The following PTGFRN variants were observed in gnomAD, a reference collection of about 807,000 sequenced individuals.
PTGFRN encodes prostaglandin F2 receptor negative regulator.
In PTGFRN, 35 loss-of-function variants were observed where a neutral mutation model predicts 83.2. The observed-to-expected ratio is 0.42, with a 90% confidence interval of 0.32 to 0.56. PTGFRN has a LOEUF of 0.56. Ranked by LOEUF, PTGFRN falls within the 20% of genes least tolerant of loss-of-function variation. The pLI is 0.11. For synonymous variants in PTGFRN, 519 were observed against 498.6 expected (o/e 1.04, Z -0.55); for missense variants, 1,051 against 1,179.5 (o/e 0.89, Z 1.60).
At chr1:116,910,460 C>T (rs2101046922) in intron 1 of PTGFRN, among the ~76,000 whole-genome samples, 1 of 151,240 alleles carries the variant, frequency 6.6e-6, no homozygotes, top group East Asian at 2.0e-4. Flanking sequence ...TCGGGCCCCG[C>T]GCGCGGGGTG....
chr1:116,961,546 C>T lies in PTGFRN; in HGVS notation c.1517C>T (p.Thr506Ile). ...DTFNFRIQRTTEEDRGNYYCV... is the reference protein window; with the variant it reads ...DTFNFRIQRTIEEDRGNYYCV... ...TTCAATTTCCGGATCCAAAGGACTACAGAGGAAGACAGAGGCAATTATTAC... is the reference window on the plus strand; with the variant it reads ...TTCAATTTCCGGATCCAAAGGACTATAGAGGAAGACAGAGGCAATTATTAC... Residue 506 changes from threonine (T) to isoleucine (I), a missense_variant, in exon 5 of 9, where the codon ACA becomes ATA. Thr to Ile is a moderately conservative substitution (Grantham distance 89). Transcript: ENST00000393203. The surrounding 1 kb of genome is among the most constrained non-coding windows in gnomAD (Gnocchi z 5.4). 6.2e-7 allele frequency: 1 copy of T among 1,614,124 alleles called. No individual in the cohort carries two copies. The highest frequency in any genetic ancestry group is 8.5e-7 in the Non-Finnish European group (1 of 1,180,026).
chr1:116,981,352 G>A (rs571719704), intron 7 of PTGFRN, among the ~76,000 whole-genome samples: 1 of 152,252 alleles, frequency 6.6e-6, no homozygotes, highest in Admixed American at 6.5e-5. Context: ...GCAGAGCCAT[G>A]GCTGCCGGCA....
chr1:116,981,419 G>T (rs1382201452), intron 7 of PTGFRN, among the ~76,000 whole-genome samples: 1 of 152,200 alleles, frequency 6.6e-6, no homozygotes, highest in African/African-American at 2.4e-5. Context: ...TCTATGTGGA[G>T]ACTGCTGGAA....
intron 1 of PTGFRN, among the ~76,000 whole-genome samples, chr1:116,915,556 C>T (rs1358596800): frequency 6.6e-6 from 1 of 152,216 alleles, no homozygotes; most frequent in Non-Finnish European, 1.5e-5. Flanking sequence ...TTCTTATTAG[C>T]CTGCTGAATA....
rs1043265464 is a variant in PTGFRN, at chr1:116,987,516, A to C, written c.*549A>C. On this transcript the variant is annotated 3_prime_UTR_variant, in exon 9 of 9. Coordinates refer to ENST00000393203, the MANE Select transcript of PTGFRN (RefSeq NM_020440.4). ...CCCCACCCCCTGTTTTCAGGGGTTT[A>C]GACTACATTTGAAATCCAAACTTGG... is the stretch of plus-strand genomic sequence containing the variant. 6.6e-6 allele frequency: 1 copy of C among 150,384 alleles called. No homozygotes were observed. Among genetic ancestry groups the C allele is most frequent in the Non-Finnish European group, 1.5e-5 (1 of 68,070 alleles). The allele number at this position is 150,384 out of a possible 1,614,324, so 9.3% of individuals were successfully genotyped here.
chr1:116,945,599 G>A (rs574859119), intron 3 of PTGFRN, among the ~76,000 whole-genome samples: 27 of 152,186 alleles, frequency 1.8e-4, no homozygotes, highest in African/African-American at 6.3e-4. Flanking sequence ...CTGCCTTTCG[G>A]TCCCCTCAGA....
chr1:116,939,213 G>A (rs1444678030), intron 1 of PTGFRN, among the ~76,000 whole-genome samples: 1 of 152,254 alleles, frequency 6.6e-6, no homozygotes, highest in Non-Finnish European at 1.5e-5. Flanking sequence ...CCCCAGTAGG[G>A]GCTGTTTGTG....
At chr1:116,921,319 C>T (rs780974996) in intron 1 of PTGFRN, among the ~76,000 whole-genome samples, 3 of 152,186 alleles carry the variant, frequency 2.0e-5, no homozygotes, top group East Asian at 1.9e-4. Flanking sequence ...CACTACTTTG[C>T]TTATGTTGCA....
chr1:116,954,633 C>T (rs985371222), intron 4 of PTGFRN, among the ~76,000 whole-genome samples: 6 of 152,182 alleles, frequency 3.9e-5, no homozygotes, highest in Admixed American at 1.3e-4. Flanking sequence ...TCTTCCGGGA[C>T]GTAGCAGGCT....
chr1:116,964,080 C>CCG (rs1039300306), intron 5 of PTGFRN, among the ~76,000 whole-genome samples: 1 of 62,516 alleles, frequency 1.6e-5, no homozygotes, highest in Non-Finnish European at 3.3e-5. Flanking sequence ...GTGCCGGGCG[C>CCG]CCCCCCTTTT....
rs1269080551 is a variant in PTGFRN at position 116,949,506 on chromosome 1, A to G, written c.1147A>G (p.Asn383Asp). The G allele has an allele frequency of 6.2e-7, 1 of 1,614,222 alleles. No individual in the cohort carries two copies. Among genetic ancestry groups the G allele is most frequent in the Non-Finnish European group, 8.5e-7 (1 of 1,180,046 alleles). The change falls in exon 4 of 9, where the codon AAC (asparagine) becomes GAC (aspartate). Residue 383 changes from asparagine to aspartate, a missense_variant. This residue lies in a region of PTGFRN where 719 missense variants were observed against 836.6 expected (regional missense o/e 0.86). Coordinates refer to ENST00000393203, the MANE Select transcript of PTGFRN (RefSeq NM_020440.4). ...CGTGTCCCTGTGGGCACCCGGACAC[A>G]ACAGGAGCTGGCACAAAGTGGCAGA... ...CHVSLWAPGH[N>D]RSWHKVAEAV...
At chr1:116,963,494 T>C (rs1650731975) in intron 5 of PTGFRN, among the ~76,000 whole-genome samples, 1 of 152,244 alleles carries the variant, frequency 6.6e-6, no homozygotes, top group Admixed American at 6.5e-5. Context: ...CTTTGGTAAT[T>C]CTCTCCCTTC....
chr1:116,954,721 A>G (rs377640386), intron 4 of PTGFRN, among the ~76,000 whole-genome samples: 48 of 152,358 alleles, frequency 3.2e-4, no homozygotes, highest in African/African-American at 9.6e-4. Context: ...ACGGAGCCAA[A>G]GCCTGTCCTA....
intron 4 of PTGFRN, among the ~76,000 whole-genome samples, chr1:116,954,991 GA>G (rs1344836777): frequency 6.6e-6 from 1 of 152,216 alleles, no homozygotes; most frequent in Non-Finnish European, 1.5e-5. Flanking sequence ...AAATTGTCAT[GA>G]GAGTAAAAGG....
At chr1:116,983,994 G>T (rs1651392517) in intron 7 of PTGFRN, among the ~76,000 whole-genome samples, 1 of 152,114 alleles carries the variant, frequency 6.6e-6, no homozygotes, top group Non-Finnish European at 1.5e-5. Flanking sequence ...TTTATTTGAG[G>T]CTGTTAGAAT....
intron 1 of PTGFRN, among the ~76,000 whole-genome samples, chr1:116,931,751 A>C (rs1649809019): frequency 6.6e-6 from 1 of 152,150 alleles, no homozygotes; most frequent in African/African-American, 2.4e-5. Flanking sequence ...CAGGTACTCC[A>C]ATAAAGGCAC....
chr1:116,969,043 G>A (rs1330174140), intron 6 of PTGFRN, among the ~76,000 whole-genome samples: 1 of 150,584 alleles, frequency 6.6e-6, no homozygotes, highest in South Asian at 2.1e-4. Flanking sequence ...CTCGCATTCT[G>A]TGTGTTGTCT....
chr1:116,965,485 A>G (rs962657466), intron 5 of PTGFRN, among the ~76,000 whole-genome samples: 3 of 151,944 alleles, frequency 2.0e-5, no homozygotes, highest in Non-Finnish European at 2.9e-5. Context: ...GGGTTTTGCT[A>G]TGTTGTCCAG....
rs1318324032 is a variant in PTGFRN at position 116,921,847 on chromosome 1, GTTA to G, written c.49+11601_49+11603del. Among the ~76,000 whole-genome samples, 5 of 152,258 alleles carry G rather than the reference GTTA, an allele frequency of 3.3e-5. No homozygotes were observed. The East Asian group carries it at 9.6e-4, about 29-fold the overall frequency. Reference sequence around the variant, plus strand: ...AGAGATGAAACTGAGGCCAGGGGCTGTTATTATTGAAAAGTTCCATGGAGCAGG... The same window carrying G: ...AGAGATGAAACTGAGGCCAGGGGCTGTTATTGAAAAGTTCCATGGAGCAGG... On this transcript the variant is annotated intron_variant, in intron 1 of 8. Coordinates refer to ENST00000393203, the MANE Select transcript of PTGFRN (RefSeq NM_020440.4).
Sources: allele counts gnomAD v4.1 joint callset (sites outside exome capture counted in the v4.1 genomes callset), GRCh38; gene constraint gnomAD v4.1.1; regional missense constraint gnomAD v4.1.1; non-coding constraint Gnocchi (gnomAD v3.1); transcripts MANE v1.5; gene names NCBI Gene and HGNC (gene_info 2026-07-23, HGNC 2026-07-21).